The following ZNF503 variants were observed in gnomAD, a reference collection of about 807,000 sequenced individuals.
ZNF503 encodes the protein NocA-like zinc finger 2.
In ZNF503, 15 loss-of-function variants were observed where a neutral mutation model predicts 34.4. The observed-to-expected ratio is 0.44, with a 90% CI of 0.29 to 0.67. The LOEUF (loss-of-function observed/expected upper bound fraction) is 0.67. Among genes scored for constraint, ZNF503 ranks in the 30% least tolerant of loss-of-function variants. The pLI is 0.13. For synonymous variants in ZNF503, 580 were observed against 456.8 expected, an observed-to-expected ratio of 1.27 and a Z score of -3.44; for missense variants, 1,007 against 926.8, an observed-to-expected ratio of 1.09 and a Z score of -1.12.
At chr10:75,367,661 C>T in the ZNF503 span, among the ~76,000 whole-genome samples, 1 of 152,176 alleles carries the variant, frequency 6.6e-6, no homozygotes, top group African/African-American at 2.4e-5. Flanking sequence ...GAAGTTTGTG[C>T]AGCGATTTGC....
At chr10:75,284,606 C>T in the ZNF503 span, among the ~76,000 whole-genome samples, 5 of 152,144 alleles carry the variant, frequency 3.3e-5, no homozygotes, top group Non-Finnish European at 5.9e-5. Flanking sequence ...TTAGCTATGT[C>T]TGTCGCTTCC....
At chr10:75,390,337 C>T in the ZNF503 span, among the ~76,000 whole-genome samples, 1 of 151,456 alleles carries the variant, frequency 6.6e-6, no homozygotes, top group East Asian at 1.9e-4. Flanking sequence ...CTCTTCCCCT[C>T]CTCTTCCTCC....
chr10:75,387,464 A>G, the ZNF503 span, among the ~76,000 whole-genome samples: 3 of 152,230 alleles, frequency 2.0e-5, no homozygotes, highest in Non-Finnish European at 2.9e-5. Context: ...GAGGATATAA[A>G]AAGATAATGT....
the ZNF503 span, among the ~76,000 whole-genome samples, chr10:75,300,586 A>G: frequency 6.6e-6 from 1 of 152,162 alleles, no homozygotes; most frequent in African/African-American, 2.4e-5. Flanking sequence ...AATTTGGGGA[A>G]CTAATAAATG....
chr10:75,345,825 C>T, the ZNF503 span, among the ~76,000 whole-genome samples: 1 of 152,052 alleles, frequency 6.6e-6, no homozygotes, highest in Non-Finnish European at 1.5e-5. Flanking sequence ...CCCAGGCATT[C>T]CGTGCTGTGG....
the ZNF503 span, among the ~76,000 whole-genome samples, chr10:75,380,915 C>G: frequency 6.6e-6 from 1 of 152,158 alleles, no homozygotes; most frequent in Non-Finnish European, 1.5e-5. Flanking sequence ...ATGGCAGTGG[C>G]CATACAGACC....
At chr10:75,389,119 G>C in the ZNF503 span, among the ~76,000 whole-genome samples, 7 of 152,312 alleles carry the variant, frequency 4.6e-5, no homozygotes, top group Admixed American at 2.0e-4. Context: ...TTTTGGAGGA[G>C]AGGAGATGTT....
chr10:75,339,359 G>C, the ZNF503 span, among the ~76,000 whole-genome samples: 1 of 152,224 alleles, frequency 6.6e-6, no homozygotes, highest in East Asian at 1.9e-4. Context: ...AGAGGAAAAT[G>C]GGGGCTAGAG....
At chr10:75,373,368 C>T in the ZNF503 span, 1 of 152,264 alleles carries the variant, frequency 6.6e-6, no homozygotes, top group African/African-American at 2.4e-5. Context: ...TCCGCCCAAT[C>T]CTGTCTTCTC....
the ZNF503 span, among the ~76,000 whole-genome samples, chr10:75,324,377 G>T: frequency 6.6e-6 from 1 of 150,960 alleles, no homozygotes. Context: ...CAACCAGGCT[G>T]GAATGCAAAA....
In ZNF503 at chr10:75,400,078, A is replaced by ACCCCCC; in HGVS notation, c.611_612insGGGGGG (p.Gly203_Gly204dup). The ACCCCCC allele has an allele frequency of 7.2e-6, 11 of 1,538,104 alleles. No individual in the cohort carries two copies. Among genetic ancestry groups the ACCCCCC allele is most frequent in the Non-Finnish European group, 8.7e-6 (10 of 1,145,170 alleles). On this transcript the variant is annotated inframe_insertion, in exon 2 of 2. Coordinates refer to ENST00000372524, the MANE Select transcript of ZNF503 (RefSeq NM_032772.6). Reference sequence around the variant, plus strand: ...GGAATCCCGACTTCTCCGACGAAACACCCCCGCCGCCGCCCCCGCCACCGC... The same window carrying ACCCCCC: ...GGAATCCCGACTTCTCCGACGAAACACCCCCCCCCCCGCCGCCGCCCCCGCCACCGC...
the ZNF503 span, among the ~76,000 whole-genome samples, chr10:75,392,377 T>A: frequency 3.3e-5 from 5 of 152,228 alleles, no homozygotes; most frequent in Admixed American, 3.3e-4. Flanking sequence ...CAGTGACCTT[T>A]ATATCTTTAC....
At chr10:75,350,692 C>T in the ZNF503 span, among the ~76,000 whole-genome samples, 1 of 152,020 alleles carries the variant, frequency 6.6e-6, no homozygotes, top group South Asian at 2.1e-4. Flanking sequence ...GGACTGTAAG[C>T]CCACACCACC....
chr10:75,379,580 C>T, the ZNF503 span, among the ~76,000 whole-genome samples: 1 of 152,204 alleles, frequency 6.6e-6, no homozygotes, highest in Non-Finnish European at 1.5e-5. Context: ...TTCTGCCCAG[C>T]ACGGACTGTT....
chr10:75,381,853 T>A, the ZNF503 span, among the ~76,000 whole-genome samples: 4 of 133,968 alleles, frequency 3.0e-5, no homozygotes, highest in African/African-American at 1.1e-4. Flanking sequence ...TCTCACTTGG[T>A]GGCTCAGGCT....
the ZNF503 span, among the ~76,000 whole-genome samples, chr10:75,293,286 C>T: frequency 2.0e-5 from 3 of 152,138 alleles, no homozygotes; most frequent in Non-Finnish European, 4.4e-5. Context: ...AGAGGCTCAT[C>T]TGGGCCAGGG....
the ZNF503 span, among the ~76,000 whole-genome samples, chr10:75,369,892 C>A: frequency 6.6e-6 from 1 of 151,868 alleles, no homozygotes; most frequent in East Asian, 1.9e-4. Flanking sequence ...CATGGCGAAA[C>A]CTCGTCTCTA....
the ZNF503 span, among the ~76,000 whole-genome samples, chr10:75,369,476 TCTC>T: frequency 1.3e-5 from 2 of 152,140 alleles, no homozygotes; most frequent in African/African-American, 4.8e-5. Flanking sequence ...CTCTCACACT[TCTC>T]CTTCCTGCCA....
At chr10:75,293,476 G>A in the ZNF503 span, among the ~76,000 whole-genome samples, 1 of 152,134 alleles carries the variant, frequency 6.6e-6, no homozygotes, top group Non-Finnish European at 1.5e-5. Flanking sequence ...ACCTGAGCTG[G>A]CCCTGCTGAA....
Sources: allele counts gnomAD v4.1 joint callset (sites outside exome capture counted in the v4.1 genomes callset), GRCh38; gene constraint gnomAD v4.1.1; transcripts MANE v1.5; gene names NCBI Gene and HGNC (gene_info 2026-07-23, HGNC 2026-07-21).